Variants in ENPEP observed in about 807,000 individuals in gnomAD.
ENPEP encodes the protein glutamyl aminopeptidase.
A neutral mutation model predicts 114.5 loss-of-function variants in ENPEP; 103 were observed. The ratio of observed to expected loss-of-function variants is 0.90; its 90% CI spans 0.77 to 1.06. The LOEUF is 1.06. Ranked by LOEUF, ENPEP falls within the 50% of genes least tolerant of loss-of-function variation. The pLI is 0.00. For missense variants in ENPEP, 1,196 were observed against 1,161.3 expected (o/e 1.03, Z -0.43); for synonymous variants, 420 against 422.0 (o/e 1.00, Z 0.06).
intron 11 of ENPEP, among the ~76,000 whole-genome samples, chr4:110,537,266 A>T (rs1726673593): frequency 6.6e-6 from 1 of 152,150 alleles, no homozygotes; most frequent in Non-Finnish European, 1.5e-5. Flanking sequence ...TGTTTAATAG[A>T]ATTTTACCCA....
chr4:110,497,195 A>G (rs1724978343), intron 3 of ENPEP, among the ~76,000 whole-genome samples: 1 of 152,212 alleles, frequency 6.6e-6, no homozygotes, highest in Non-Finnish European at 1.5e-5. Context: ...TGTTTTCCTC[A>G]GAATTATTTT....
chr4:110,503,061 C>A (rs113252897), intron 3 of ENPEP, among the ~76,000 whole-genome samples: 147 of 152,254 alleles, frequency 9.7e-4, no homozygotes, highest in African/African-American at 3.3e-3. Flanking sequence ...CCGCTCCCCC[C>A]ACCCCACGAC....
intron 1 of ENPEP, among the ~76,000 whole-genome samples, chr4:110,477,441 T>C (rs1446216463): frequency 6.6e-6 from 1 of 152,226 alleles, no homozygotes; most frequent in East Asian, 1.9e-4. Flanking sequence ...CAGCAATATA[T>C]ATGAACTTTT....
intron 11 of ENPEP, among the ~76,000 whole-genome samples, chr4:110,534,813 T>C (rs1189767698): frequency 6.7e-6 from 1 of 149,476 alleles, no homozygotes; most frequent in Non-Finnish European, 1.5e-5. Flanking sequence ...CTGGCCTCTC[T>C]TTTTTTTTTC....
In ENPEP at chr4:110,476,670, G is replaced by A. The variant is rs370568319; in HGVS notation, c.256G>A (p.Gly86Arg). The part of the protein sequence containing the change: ...DICPASEDES[G>R]QWKNFRLPDF... ...CTGCCCGGCCAGTGAGGATGAGAGCGGACAGTGGAAAAACTTTCGACTGCC... is the reference window on the plus strand; with the variant it reads ...CTGCCCGGCCAGTGAGGATGAGAGCAGACAGTGGAAAAACTTTCGACTGCC... The change falls in exon 1 of 20, where the codon GGA (glycine) becomes AGA (arginine). Residue 86 changes from glycine (G) to arginine (R), a missense_variant. By Grantham distance (125) the Gly-to-Arg change is moderately radical. Coordinates refer to ENST00000265162, the MANE Select transcript of ENPEP (RefSeq NM_001977.4). 35 of 1,613,732 alleles carry A rather than the reference G, an allele frequency of 2.2e-5. No individual in the cohort carries two copies. In the East Asian group the frequency reaches 2.2e-4, roughly 10 times the overall value.
In ENPEP at chr4:110,476,208, C is replaced by T. The variant is rs1315672350; in HGVS notation, c.-207C>T. 2 of 569,936 alleles carry T rather than the reference C, an allele frequency of 3.5e-6. No individual in the cohort carries two copies. Among genetic ancestry groups the T allele is most frequent in the East Asian group, 2.9e-5 (1 of 33,906 alleles). The allele number at this position is 569,936 out of a possible 1,614,324, so 35.3% of individuals were successfully genotyped here. On this transcript the variant is annotated 5_prime_UTR_variant, in exon 1 of 20. Coordinates refer to ENST00000265162, the MANE Select transcript of ENPEP (RefSeq NM_001977.4). The stretch of plus-strand genomic sequence containing the variant: ...TCTTACGGAGTCCTCATTCCACCCC[C>T]CTTGTTTCCGCATTCATCCTGAGTG...
chr4:110,496,065 T>C (rs1302033102), intron 3 of ENPEP, among the ~76,000 whole-genome samples: 1 of 152,212 alleles, frequency 6.6e-6, no homozygotes. Flanking sequence ...CCAAAAATCT[T>C]ACAGGATGAT....
chr4:110,492,275 T>C (rs1724753787), intron 3 of ENPEP, among the ~76,000 whole-genome samples: 1 of 152,230 alleles, frequency 6.6e-6, no homozygotes, highest in South Asian at 2.1e-4. Context: ...TTATTCAAGA[T>C]TACCCAGCTG....
At chr4:110,502,940 G>A (rs2348430) in intron 3 of ENPEP, among the ~76,000 whole-genome samples, 83,238 of 151,610 alleles carry the variant, frequency 0.55, 23,015 homozygotes, top group East Asian at 0.68. Flanking sequence ...GTTCTAGGGT[G>A]CATGTACACA....
chr4:110,481,284 C>T (rs1724303384), intron 1 of ENPEP, among the ~76,000 whole-genome samples: 1 of 151,310 alleles, frequency 6.6e-6, no homozygotes, highest in Non-Finnish European at 1.5e-5. Context: ...AGATGAGATC[C>T]AGGCTGGGGT....
chr4:110,509,480 A>G (rs1725491748), intron 4 of ENPEP, among the ~76,000 whole-genome samples, 173 bp from the exon 5 acceptor site: 1 of 152,240 alleles, frequency 6.6e-6, no homozygotes, highest in African/African-American at 2.4e-5. Context: ...GCTCTATGGA[A>G]ACTTTGAGTG....
intron 11 of ENPEP, among the ~76,000 whole-genome samples, chr4:110,540,191 G>A (rs1726799717): frequency 1.3e-5 from 2 of 151,952 alleles, no homozygotes; most frequent in Non-Finnish European, 2.9e-5. Flanking sequence ...GAAATTGCAA[G>A]GTGTTTAAAA....
chr4:110,513,304 C>G, intron 6 of ENPEP, 111 bp from the exon 7 acceptor site: 1 of 1,243,196 alleles, frequency 8.0e-7, no homozygotes, highest in Non-Finnish European at 1.1e-6. Flanking sequence ...GTTTAAGTAA[C>G]TTAAGTCATT....
In ENPEP at chr4:110,533,753, A is replaced by AT. The variant is rs1445204014; in HGVS notation, c.1807+2483dup. ...ATCCCTTTGTCAATACATTTCACACATTTTTTTGTTCTAACTATTGACCTA... is the reference window on the plus strand; with the variant it reads ...ATCCCTTTGTCAATACATTTCACACATTTTTTTTGTTCTAACTATTGACCTA... On this transcript the variant is annotated intron_variant, in intron 11 of 19. Coordinates refer to ENST00000265162, the MANE Select transcript of ENPEP (RefSeq NM_001977.4). Among the ~76,000 whole-genome samples the AT allele has an allele frequency of 2.6e-5, 4 of 152,272 alleles. No homozygotes were observed. The South Asian group carries it at 8.3e-4, about 32-fold the overall frequency.
chr4:110,551,328 A>G (rs1421383872), intron 17 of ENPEP, among the ~76,000 whole-genome samples: 1 of 152,122 alleles, frequency 6.6e-6, no homozygotes, highest in Non-Finnish European at 1.5e-5. Context: ...CCTCCAAAGG[A>G]AAAGAAATTT....
rs546202031 is a variant in ENPEP, at chr4:110,557,810, G to T, written c.2643-1837G>T. On this transcript the variant is annotated intron_variant, in intron 18 of 19. Coordinates refer to ENST00000265162, the MANE Select transcript of ENPEP (RefSeq NM_001977.4). Reference sequence around the variant, plus strand: ...TCAGTGGCGTCTGTGATAAGAGTGGGCACTGGATCTGGTACACTGAAATCA... The same window carrying T: ...TCAGTGGCGTCTGTGATAAGAGTGGTCACTGGATCTGGTACACTGAAATCA... Among the ~76,000 whole-genome samples the T allele has an allele frequency of 4.6e-5, 7 of 152,254 alleles. No homozygotes were observed. The South Asian group carries it at 8.3e-4, about 18-fold the overall frequency.
chr4:110,507,749 G>A (rs1245565598), intron 4 of ENPEP, among the ~76,000 whole-genome samples: 1 of 152,236 alleles, frequency 6.6e-6, no homozygotes, highest in Non-Finnish European at 1.5e-5. Context: ...GCCCAGGCGG[G>A]CGGATCGCTT....
At chr4:110,532,183 G>A (rs994507614) in intron 11 of ENPEP, among the ~76,000 whole-genome samples, 2 of 152,080 alleles carry the variant, frequency 1.3e-5, no homozygotes, top group Non-Finnish European at 2.9e-5. Flanking sequence ...GTACAATCCA[G>A]TGTTTTTTAG....
chr4:110,515,238 C>A (rs1725717230), intron 7 of ENPEP, 139 bp from the exon 8 acceptor site: 7 of 676,146 alleles, frequency 1.0e-5, no homozygotes, highest in Non-Finnish European at 1.8e-5. Context: ...AATCATAGAG[C>A]CATATAATTT....
Sources: gnomAD v4.1 joint callset for allele counts (sites outside exome capture counted in the v4.1 genomes callset) on GRCh38, gnomAD v4.1.1 for gene constraint, MANE v1.5 for transcripts, NCBI Gene and HGNC (gene_info 2026-07-23, HGNC 2026-07-21) for gene names.